Variants in ARHGAP15 observed in about 807,000 individuals in gnomAD.
ARHGAP15 encodes Rho GTPase activating protein 15, also known as rho GTPase-activating protein 15.
A neutral mutation model predicts 63.7 loss-of-function variants in ARHGAP15; 51 were observed. That is an observed-to-expected ratio of 0.80 (90% CI 0.64 to 1.01). The LOEUF (loss-of-function observed/expected upper bound fraction) is 1.01, where lower values mean the gene tolerates loss of function less well. Among genes scored for constraint, ARHGAP15 ranks in the 50% least tolerant of loss-of-function variants. The pLI, the probability that ARHGAP15 is intolerant of heterozygous loss-of-function variation, is 0.00. For missense variants in ARHGAP15, 560 were observed against 564.6 expected (o/e 0.99, Z 0.08); for synonymous variants, 191 against 193.8 (o/e 0.99, Z 0.12).
rs543644927 is a variant in ARHGAP15 at position 143,134,924 on chromosome 2, C to T, written c.-15+5458C>T. ...AGTGCTGGGATTACAGGCGTGAGAG[C>T]GCGCCCAGCCTAAATGCTGTATTCC... On this transcript the variant is annotated intron_variant, in intron 1 of 13. Transcript: ENST00000295095. 9.9e-5 allele frequency among the ~76,000 whole-genome samples: 15 copies of T among 151,846 alleles called. 1 individual carries two copies. In the South Asian group the frequency reaches 2.3e-3, roughly 23 times the overall value.
intron 8 of ARHGAP15, among the ~76,000 whole-genome samples, chr2:143,464,469 TG>T (rs1195829630): frequency 1.3e-5 from 2 of 152,164 alleles, no homozygotes; most frequent in African/African-American, 4.8e-5. Context: ...CTTATTAACA[TG>T]GCAAACATTG....
At chr2:143,309,241 G>A (rs1250585007) in intron 6 of ARHGAP15, among the ~76,000 whole-genome samples, 1 of 152,018 alleles carries the variant, frequency 6.6e-6, no homozygotes, top group Non-Finnish European at 1.5e-5. Context: ...AAGCAATTTG[G>A]AACTTTGGCC....
At position 143,597,628 on chromosome 2, in the gene ARHGAP15, G is replaced by A. The variant is rs561946332; in HGVS notation, c.1004-26505G>A. Among the ~76,000 whole-genome samples, 6 of 152,116 alleles carry A rather than the reference G, an allele frequency of 3.9e-5. No individual in the cohort carries two copies. The South Asian group carries it at 1.2e-3, about 32-fold the overall frequency. On this transcript the variant is annotated intron_variant, in intron 11 of 13. Coordinates refer to ENST00000295095, the MANE Select transcript of ARHGAP15 (RefSeq NM_018460.4). ...TAACTTTTAAAAATGTCACAGAAAG[G>A]TGGAAAGTAACTGTTTTGTTAAGTA...
At chr2:143,140,068 G>A (rs970165236) in intron 1 of ARHGAP15, among the ~76,000 whole-genome samples, 1 of 152,080 alleles carries the variant, frequency 6.6e-6, no homozygotes, top group African/African-American at 2.4e-5. Flanking sequence ...GTTTTATCAG[G>A]TCTTGAATCA....
rs74538630 is a variant in ARHGAP15 at position 143,443,807 on chromosome 2, C to A, written c.703+6765C>A. On this transcript the variant is annotated intron_variant, in intron 8 of 13. Coordinates refer to ENST00000295095, the MANE Select transcript of ARHGAP15 (RefSeq NM_018460.4). ...TTATGCATGAAGGTCCCAGGCTTCACTATGGCCCTGTGTGACTCTAGCCAT... is the reference window on the plus strand; with the variant it reads ...TTATGCATGAAGGTCCCAGGCTTCAATATGGCCCTGTGTGACTCTAGCCAT... 7.5e-3 allele frequency among the ~76,000 whole-genome samples: 1,135 copies of A among 152,304 alleles called. 17 individuals carry two copies. The highest frequency in any genetic ancestry group is 0.026 in the African/African-American group (1,090 of 41,576).
chr2:143,164,878 T>A (rs1182650739), intron 2 of ARHGAP15, among the ~76,000 whole-genome samples: 2 of 152,004 alleles, frequency 1.3e-5, no homozygotes, highest in Non-Finnish European at 2.9e-5. Context: ...GACACAGACG[T>A]GTTATCAGTT....
In ARHGAP15 at chr2:143,760,795, A is replaced by T. The variant is rs1289221233; in HGVS notation, c.1245-7194A>T. Among the ~76,000 whole-genome samples, 3 of 152,188 alleles carry T rather than the reference A, an allele frequency of 2.0e-5. No homozygotes were observed. The East Asian group carries it at 5.8e-4, about 29-fold the overall frequency. On this transcript the variant is annotated intron_variant, in intron 13 of 13. Transcript: ENST00000295095. ...TTCAAAAGCAAAAATGTCAGAATAT[A>T]GCAATAATTCCTATTTAGGATGATA...
chr2:143,463,337 T>C (rs777011104), intron 8 of ARHGAP15, among the ~76,000 whole-genome samples: 3 of 152,002 alleles, frequency 2.0e-5, no homozygotes, highest in Non-Finnish European at 2.9e-5. Flanking sequence ...AGGTCAAAAG[T>C]TTGGGACTAG....
At chr2:143,640,409 T>C (rs1466742885) in intron 12 of ARHGAP15, among the ~76,000 whole-genome samples, 1 of 152,108 alleles carries the variant, frequency 6.6e-6, no homozygotes, top group Non-Finnish European at 1.5e-5. Context: ...CAAATGTTCC[T>C]ATCTGCCTTC....
intron 6 of ARHGAP15, among the ~76,000 whole-genome samples, chr2:143,286,965 T>C (rs1383197381): frequency 6.6e-6 from 1 of 152,122 alleles, no homozygotes; most frequent in East Asian, 1.9e-4. Context: ...GCCAAAACAT[T>C]GTTATGTGGC....
chr2:143,340,276 G>C (rs925980167), intron 6 of ARHGAP15, among the ~76,000 whole-genome samples: 2 of 151,304 alleles, frequency 1.3e-5, no homozygotes, highest in African/African-American at 4.8e-5. Flanking sequence ...AAAGTGACCA[G>C]TAATAAACCA....
At chr2:143,177,472 T>G (rs1205873278) in intron 2 of ARHGAP15, among the ~76,000 whole-genome samples, 1 of 73,960 alleles carries the variant, frequency 1.4e-5, no homozygotes, top group Non-Finnish European at 3.2e-5. Flanking sequence ...CTAAAAGTTT[T>G]GACAACAGAA....
intron 9 of ARHGAP15, among the ~76,000 whole-genome samples, chr2:143,508,878 G>T (rs567370930): frequency 1.3e-5 from 2 of 152,298 alleles, no homozygotes; most frequent in East Asian, 3.9e-4. Context: ...AGGGGCCAAA[G>T]GGTACTTCAC....
At chr2:143,234,954 C>T (rs1693584932) in intron 5 of ARHGAP15, among the ~76,000 whole-genome samples, 1 of 152,122 alleles carries the variant, frequency 6.6e-6, no homozygotes, top group Non-Finnish European at 1.5e-5. Context: ...AATATTTTAT[C>T]CAGCATTTTT....
At chr2:143,383,551 G>A (rs1687144476) in intron 6 of ARHGAP15, among the ~76,000 whole-genome samples, 2 of 152,120 alleles carry the variant, frequency 1.3e-5, no homozygotes, top group Non-Finnish European at 2.9e-5. Context: ...GCCAAATATG[G>A]AAAGTATACA....
chr2:143,401,492 C>A (rs181497370), intron 6 of ARHGAP15, among the ~76,000 whole-genome samples: 1 of 151,950 alleles, frequency 6.6e-6, no homozygotes, highest in Admixed American at 6.6e-5. Flanking sequence ...ACAAAACATT[C>A]TTTACATATT....
chr2:143,605,513 A>G (rs577434689), intron 11 of ARHGAP15, among the ~76,000 whole-genome samples: 1 of 152,120 alleles, frequency 6.6e-6, no homozygotes, highest in African/African-American at 2.4e-5. Context: ...GGTAGTTGGA[A>G]CCCAGGGTCA....
At chr2:143,255,566 T>C (rs921766283) in intron 6 of ARHGAP15, among the ~76,000 whole-genome samples, 3 of 152,138 alleles carry the variant, frequency 2.0e-5, no homozygotes, top group Non-Finnish European at 4.4e-5. Flanking sequence ...TCTTAAAATG[T>C]TTAAGTACTA....
At chr2:143,673,387 T>C (rs1380353549) in intron 12 of ARHGAP15, among the ~76,000 whole-genome samples, 1 of 152,068 alleles carries the variant, frequency 6.6e-6, no homozygotes, top group Non-Finnish European at 1.5e-5. Context: ...AACCTCCGCC[T>C]CCTGGGTTCA....
Sources: allele counts gnomAD v4.1 joint callset (sites outside exome capture counted in the v4.1 genomes callset), GRCh38; gene constraint gnomAD v4.1.1; transcripts MANE v1.5; gene names NCBI Gene and HGNC (gene_info 2026-07-23, HGNC 2026-07-21).